Variants in KCNQ5 observed in about 807,000 individuals in gnomAD.
KCNQ5 encodes potassium voltage-gated channel subfamily KQT member 5.
In KCNQ5, 30 loss-of-function variants were observed where a neutral mutation model predicts 98.2. The ratio of observed to expected loss-of-function variants is 0.31; its 90% CI spans 0.23 to 0.41. The LOEUF is 0.41. Ranked by LOEUF, KCNQ5 falls within the 10% of genes least tolerant of loss-of-function variation. The pLI is 1.00. For synonymous variants in KCNQ5, 458 were observed against 449.4 expected (o/e 1.02, Z -0.24); for missense variants, 835 against 1,182.5 (o/e 0.71, Z 4.31).
intron 10 of KCNQ5, among the ~76,000 whole-genome samples, chr6:73,158,923 G>C (rs1013369534): frequency 6.6e-6 from 1 of 152,078 alleles, no homozygotes; most frequent in African/African-American, 2.4e-5. Context: ...ACTATAATTT[G>C]CAGTTTTCTA....
intron 1 of KCNQ5, among the ~76,000 whole-genome samples, chr6:72,766,265 G>A (rs1480391689): frequency 3.3e-5 from 5 of 152,068 alleles, no homozygotes; most frequent in South Asian, 2.1e-4. Flanking sequence ...AGCACAGTTC[G>A]GTAGGAGACA....
intron 1 of KCNQ5, among the ~76,000 whole-genome samples, chr6:72,644,633 A>C (rs28515069): frequency 6.6e-6 from 1 of 152,168 alleles, no homozygotes; most frequent in African/African-American, 2.4e-5. Context: ...AAGTTTCTGG[A>C]AGGATTAAAC....
chr6:72,957,914 T>G (rs1405339782), intron 1 of KCNQ5, among the ~76,000 whole-genome samples: 1 of 152,172 alleles, frequency 6.6e-6, no homozygotes, highest in Non-Finnish European at 1.5e-5. Flanking sequence ...TAAATCACTC[T>G]TAAATGTTAA....
chr6:72,966,357 G>A (rs1459470308), intron 1 of KCNQ5, among the ~76,000 whole-genome samples: 3 of 151,012 alleles, frequency 2.0e-5, no homozygotes, highest in African/African-American at 4.9e-5. Context: ...TTAGGAGTTC[G>A]AAACTAGCCT....
At chr6:72,789,183 A>G (rs980397671) in intron 1 of KCNQ5, among the ~76,000 whole-genome samples, 3 of 151,968 alleles carry the variant, frequency 2.0e-5, no homozygotes, top group African/African-American at 7.3e-5. Context: ...GTGTTGAGAC[A>G]GTCTTGCTCT....
chr6:72,845,145 G>A (rs114519936), intron 1 of KCNQ5, among the ~76,000 whole-genome samples: 5,880 of 152,166 alleles, frequency 0.039, 123 homozygotes, highest in Middle Eastern at 0.058. Context: ...TTCTAATATT[G>A]CCCACTTTCT....
At chr6:72,868,506 C>T (rs1581928420) in intron 1 of KCNQ5, among the ~76,000 whole-genome samples, 1 of 152,106 alleles carries the variant, frequency 6.6e-6, no homozygotes, top group East Asian at 1.9e-4. Flanking sequence ...TCAATTCTGG[C>T]ACTGGCAGTG....
chr6:72,729,408 C>T (rs571774296), intron 1 of KCNQ5, among the ~76,000 whole-genome samples: 1 of 152,196 alleles, frequency 6.6e-6, no homozygotes, highest in Non-Finnish European at 1.5e-5. Context: ...CTGCCTCAGC[C>T]TCCCAAGTAT....
At chr6:73,047,596 G>A (rs1042283794) in intron 3 of KCNQ5, among the ~76,000 whole-genome samples, 1 of 152,174 alleles carries the variant, frequency 6.6e-6, no homozygotes, top group East Asian at 1.9e-4. Flanking sequence ...TTTCCGAAGA[G>A]GAAAATGAAT....
chr6:72,656,783 C>CT (rs143700602), intron 1 of KCNQ5, among the ~76,000 whole-genome samples: 4,410 of 152,280 alleles, frequency 0.029, 99 homozygotes, highest in Non-Finnish European at 0.044. Context: ...ATCTCTGGCT[C>CT]TGACACTTTT....
chr6:72,983,610 G>C (rs1375329644), intron 1 of KCNQ5, among the ~76,000 whole-genome samples: 1 of 152,062 alleles, frequency 6.6e-6, no homozygotes, highest in Admixed American at 6.6e-5. Flanking sequence ...CTTGTGATGG[G>C]CTCGAACATC....
chr6:72,848,600 A>T (rs1777112615), intron 1 of KCNQ5, among the ~76,000 whole-genome samples: 1 of 152,196 alleles, frequency 6.6e-6, no homozygotes, highest in Admixed American at 6.5e-5. Context: ...AGTCTATCTA[A>T]CCCAAAGAAA....
intron 2 of KCNQ5, among the ~76,000 whole-genome samples, chr6:73,017,337 T>A (rs1200573892): frequency 2.0e-5 from 3 of 150,578 alleles, no homozygotes; most frequent in African/African-American, 7.5e-5. Flanking sequence ...CACAAGAAAA[T>A]AGGTCTATCT....
At chr6:72,758,067 C>T (rs746337256) in intron 1 of KCNQ5, among the ~76,000 whole-genome samples, 11 of 151,866 alleles carry the variant, frequency 7.2e-5, no homozygotes, top group Admixed American at 1.3e-4. Flanking sequence ...GGACAGGATT[C>T]AGAATGCCCA....
intron 11 of KCNQ5, among the ~76,000 whole-genome samples, chr6:73,177,603 G>A (rs1379158261): frequency 2.0e-5 from 3 of 152,216 alleles, no homozygotes; most frequent in Non-Finnish European, 4.4e-5. Flanking sequence ...AAGTAAAGAA[G>A]AGGCACGTGT....
At chr6:72,883,522 A>C (rs1778728652) in intron 1 of KCNQ5, among the ~76,000 whole-genome samples, 1 of 152,176 alleles carries the variant, frequency 6.6e-6, no homozygotes, top group Non-Finnish European at 1.5e-5. Flanking sequence ...AAAAGAAATA[A>C]AAAGAAGAGG....
chr6:72,735,376 A>T (rs1770774950), intron 1 of KCNQ5, among the ~76,000 whole-genome samples: 1 of 152,174 alleles, frequency 6.6e-6, no homozygotes, highest in Admixed American at 6.5e-5. Flanking sequence ...TGCATTTTAG[A>T]TGTTTTCAAA....
chr6:73,192,650 G>A lies in KCNQ5; in HGVS notation c.1795G>A (p.Asp599Asn), dbSNP rs1466961910. 3.7e-6 allele frequency: 6 copies of A among 1,611,124 alleles called. No individual in the cohort carries two copies. Among genetic ancestry groups the A allele is most frequent in the East Asian group, 2.2e-5 (1 of 44,734 alleles). The change falls in exon 13 of 14, where the codon GAT (aspartate) becomes AAT (asparagine). Residue 599 changes from aspartate (D) to asparagine (N), a missense_variant. Physicochemically the swap from Asp to Asn is conservative, Grantham distance 23 (BLOSUM62 1). Coordinates refer to ENST00000370398, the MANE Select transcript of KCNQ5 (RefSeq NM_019842.4). ...KITAEHETTD[D>N]LSMLGRVVKV... ...AACAGCAGAACATGAGACCACAGAC[G>A]ATCTCAGTATGCTCGGTCGGGTGGT...
chr6:72,766,431 T>A (rs917112791), intron 1 of KCNQ5, among the ~76,000 whole-genome samples: 1 of 151,914 alleles, frequency 6.6e-6, no homozygotes, highest in Non-Finnish European at 1.5e-5. Context: ...TATTTTAAAA[T>A]AATCACTCCA....
Sources: allele counts gnomAD v4.1 joint callset (sites outside exome capture counted in the v4.1 genomes callset), GRCh38; gene constraint gnomAD v4.1.1; transcripts MANE v1.5; gene names NCBI Gene and HGNC (gene_info 2026-07-23, HGNC 2026-07-21).